EVI5: variants seen among roughly 807,000 people sequenced by gnomAD.
EVI5 encodes the protein ecotropic viral integration site 5, also known as ecotropic viral integration site 5 protein homolog.
A neutral mutation model predicts 112.0 loss-of-function variants in EVI5; 73 were observed. That is an observed-to-expected ratio of 0.65 (90% CI 0.54 to 0.79). The LOEUF is 0.79. EVI5 is among the 30% of genes least tolerant of loss of function. EVI5 has a pLI of 0.00. For missense variants in EVI5, 900 were observed against 968.8 expected, an observed-to-expected ratio of 0.93 and a Z score of 0.94; for synonymous variants, 305 against 319.9, an observed-to-expected ratio of 0.95 and a Z score of 0.50.
chr1:92,546,000 C>T (rs1293485186), intron 19 of EVI5, among the ~76,000 whole-genome samples: 1 of 152,004 alleles, frequency 6.6e-6, no homozygotes, highest in Non-Finnish European at 1.5e-5. Context: ...TGTTTCTAGG[C>T]CATGGTGCCG....
intron 18 of EVI5, among the ~76,000 whole-genome samples, chr1:92,569,551 C>T (rs1218734310): frequency 6.6e-6 from 1 of 152,080 alleles, no homozygotes; most frequent in Non-Finnish European, 1.5e-5. Flanking sequence ...TTTAATCACC[C>T]ATTTTTAAAA....
At chr1:92,681,936 AC>A (rs1351579192) in intron 9 of EVI5, among the ~76,000 whole-genome samples, 1 of 152,092 alleles carries the variant, frequency 6.6e-6, no homozygotes, top group Non-Finnish European at 1.5e-5. Context: ...ACTGCTCACC[AC>A]ACTCCTATTT....
chr1:92,675,579 G>A (rs1293835498), intron 10 of EVI5, among the ~76,000 whole-genome samples: 1 of 151,928 alleles, frequency 6.6e-6, no homozygotes, highest in Non-Finnish European at 1.5e-5. Flanking sequence ...CGTAGTATGT[G>A]AAAACTCATA....
chr1:92,611,360 G>T lies in EVI5; in HGVS notation c.1828-3633C>A, dbSNP rs868602935. 2.0e-5 allele frequency among the ~76,000 whole-genome samples: 3 copies of T among 151,946 alleles called. No individual in the cohort carries two copies. The South Asian group carries it at 6.2e-4, about 32-fold the overall frequency. On this transcript the variant is annotated intron_variant, in intron 16 of 19. Coordinates refer to ENST00000684568, the MANE Select transcript of EVI5 (RefSeq NM_001350197.2). ...AAAAAAGAATCTTCACCCTATAGTAGTATACTGAGCTAAACTATCATACAA... is the reference window on the plus strand; with the variant it reads ...AAAAAAGAATCTTCACCCTATAGTATTATACTGAGCTAAACTATCATACAA...
At chr1:92,631,422 AT>A (rs1657076581) in intron 14 of EVI5, among the ~76,000 whole-genome samples, 1 of 152,030 alleles carries the variant, frequency 6.6e-6, no homozygotes, top group Non-Finnish European at 1.5e-5. Context: ...ATTCCCAGGT[AT>A]TTTATTCTCT....
chr1:92,620,424 G>T (rs376358030), intron 16 of EVI5, among the ~76,000 whole-genome samples: 6 of 122,352 alleles, frequency 4.9e-5, no homozygotes, highest in African/African-American at 1.5e-4. Flanking sequence ...ATAAATCAAA[G>T]AAACTCAGAG....
At chr1:92,635,074 G>A (rs909733800) in intron 14 of EVI5, among the ~76,000 whole-genome samples, 1 of 152,186 alleles carries the variant, frequency 6.6e-6, no homozygotes, top group South Asian at 2.1e-4. Context: ...GCCGTGTGAG[G>A]TGTCAGTCTG....
intron 19 of EVI5, among the ~76,000 whole-genome samples, chr1:92,537,956 C>T (rs1051163464): frequency 1.3e-5 from 2 of 151,822 alleles, no homozygotes; most frequent in African/African-American, 2.4e-5. Flanking sequence ...TTAAAGCTGA[C>T]GTTTTTAGAA....
intron 19 of EVI5, among the ~76,000 whole-genome samples, chr1:92,529,755 A>G (rs1662526619): frequency 6.6e-6 from 1 of 152,210 alleles, no homozygotes; most frequent in Non-Finnish European, 1.5e-5. Flanking sequence ...TTTCATTTTA[A>G]AAGTCTTTTT....
upstream of EVI5, among the ~76,000 whole-genome samples, chr1:92,786,250 A>C (rs1407210033): frequency 6.6e-6 from 1 of 151,996 alleles, no homozygotes; most frequent in Non-Finnish European, 1.5e-5. Context: ...AAAAAAAAAA[A>C]AAAACCTTAC....
chr1:92,576,520 A>G (rs1671109136), intron 18 of EVI5, among the ~76,000 whole-genome samples: 1 of 151,092 alleles, frequency 6.6e-6, no homozygotes, highest in South Asian at 2.1e-4. Flanking sequence ...GAATATTGAT[A>G]AAATGTATCA....
At chr1:92,630,370 T>A (rs924974004) in intron 14 of EVI5, among the ~76,000 whole-genome samples, 1 of 152,256 alleles carries the variant, frequency 6.6e-6, no homozygotes, top group Non-Finnish European at 1.5e-5. Flanking sequence ...CTAACTGGTA[T>A]GAGATGGTAT....
intron 19 of EVI5, among the ~76,000 whole-genome samples, chr1:92,531,140 T>C (rs1662798680): frequency 6.6e-6 from 1 of 151,766 alleles, no homozygotes; most frequent in Non-Finnish European, 1.5e-5. Flanking sequence ...TCATGAAGCA[T>C]ACACAAGTAT....
intron 10 of EVI5, among the ~76,000 whole-genome samples, chr1:92,676,179 A>G (rs979230606): frequency 5.3e-5 from 8 of 152,054 alleles, no homozygotes; most frequent in East Asian, 1.9e-4. Flanking sequence ...GAGAGTTAAC[A>G]TAAGAAAACT....
rs549462600 is a variant in EVI5, at chr1:92,614,661, A to ACTC, written c.1828-6937_1828-6935dup. 4.6e-3 allele frequency among the ~76,000 whole-genome samples: 695 copies of ACTC among 150,822 alleles called. 3 individuals carry two copies. The highest frequency in any genetic ancestry group is 7.5e-3 in the Non-Finnish European group (509 of 67,736). On this transcript the variant is annotated intron_variant, in intron 16 of 19. Coordinates refer to ENST00000684568, the MANE Select transcript of EVI5 (RefSeq NM_001350197.2). ...GATGCTTCCTGCCCTCAAACATCAG[A>ACTC]CTCCAGGCTCTTCAGTTTTGGGACT...
intron 10 of EVI5, among the ~76,000 whole-genome samples, chr1:92,667,101 A>T (rs1005822600): frequency 6.6e-6 from 1 of 152,216 alleles, no homozygotes; most frequent in Non-Finnish European, 1.5e-5. Flanking sequence ...CCTGGACAAC[A>T]TGGCAAAACC....
rs907493833 is a variant in EVI5 at position 92,617,147 on chromosome 1, A to G, written c.1827+7029T>C. Among the ~76,000 whole-genome samples the G allele has an allele frequency of 5.9e-5, 9 of 152,354 alleles. 1 individual carries two copies. The highest frequency in any genetic ancestry group is 3.9e-4 in the Admixed American group (6 of 15,304). On this transcript the variant is annotated intron_variant, in intron 16 of 19. Transcript: ENST00000684568. Reference sequence around the variant, plus strand: ...CCACCTGAAAGTGGACAGCCACAGCACTACAGCCCCTTTCTAGGACATCCC... The same window carrying G: ...CCACCTGAAAGTGGACAGCCACAGCGCTACAGCCCCTTTCTAGGACATCCC...
intron 19 of EVI5, among the ~76,000 whole-genome samples, chr1:92,546,527 T>C (rs1300489882): frequency 3.3e-5 from 5 of 151,836 alleles, no homozygotes; most frequent in Non-Finnish European, 5.9e-5. Context: ...TGAAACCCCG[T>C]CTCTACTAAA....
At chr1:92,681,417 G>A (rs1278357355) in intron 9 of EVI5, among the ~76,000 whole-genome samples, 1 of 152,058 alleles carries the variant, frequency 6.6e-6, no homozygotes. Context: ...GTGAATCTTG[G>A]TAAAGAGTAT....
Sources: gnomAD v4.1 joint callset for allele counts (sites outside exome capture counted in the v4.1 genomes callset) on GRCh38, gnomAD v4.1.1 for gene constraint, MANE v1.5 for transcripts, NCBI Gene and HGNC (gene_info 2026-07-23, HGNC 2026-07-21) for gene names.